Variants in SEC31A observed in about 807,000 individuals in gnomAD.
SEC31A encodes the protein SEC31 homolog A, COPII component, also known as protein transport protein Sec31A.
SEC31A carries 70 observed loss-of-function variants against 151.0 expected under a neutral mutation model. The observed-to-expected ratio is 0.46, with a 90% CI of 0.38 to 0.57. The LOEUF (loss-of-function observed/expected upper bound fraction) is 0.57, where lower values mean the gene tolerates loss of function less well. Among genes scored for constraint, SEC31A ranks in the 20% least tolerant of loss-of-function variants. The pLI, the probability that SEC31A is intolerant of heterozygous loss-of-function variation, is 0.00. For missense variants in SEC31A, 1,330 were observed against 1,471.2 expected (o/e 0.90, Z 1.57); for synonymous variants, 475 against 505.9 (o/e 0.94, Z 0.82).
intron 14 of SEC31A, among the ~76,000 whole-genome samples, chr4:82,859,994 G>A (rs942675657): frequency 8.6e-5 from 13 of 151,974 alleles, no homozygotes; most frequent in South Asian, 2.1e-4. Context: ...GTGTTTCACC[G>A]TGTTAGCCAG....
intron 8 of SEC31A, among the ~76,000 whole-genome samples, chr4:82,870,020 C>T (rs1049462043): frequency 1.6e-4 from 24 of 152,264 alleles, no homozygotes; most frequent in African/African-American, 5.3e-4. Flanking sequence ...GATACTGATT[C>T]CCATAAACCA....
At chr4:82,837,700 C>T (rs1727747455) in intron 22 of SEC31A, among the ~76,000 whole-genome samples, 1 of 152,164 alleles carries the variant, frequency 6.6e-6, no homozygotes, top group African/African-American at 2.4e-5. Flanking sequence ...GGAGTCCTAT[C>T]CACCTTAGCG....
At chr4:82,830,220 T>C (rs1012660295) in intron 22 of SEC31A, among the ~76,000 whole-genome samples, 3 of 152,174 alleles carry the variant, frequency 2.0e-5, no homozygotes, top group Admixed American at 2.0e-4. Context: ...TTCCAGCACT[T>C]TGGGCTGAGG....
At chr4:82,830,750 T>C (rs1436966888) in intron 22 of SEC31A, among the ~76,000 whole-genome samples, 1 of 152,244 alleles carries the variant, frequency 6.6e-6, no homozygotes, top group Non-Finnish European at 1.5e-5. Context: ...AAGCTACTTG[T>C]GTAATCACGT....
Position 82,854,982 on chromosome 4 carries a change from A to C in SEC31A, c.1929T>G (p.Ser643=), listed in dbSNP as rs767390976. The C allele has an allele frequency of 6.2e-7, 1 of 1,613,820 alleles. No homozygotes were observed. The highest frequency in any genetic ancestry group is 8.5e-7 in the Non-Finnish European group (1 of 1,179,882). The change falls in exon 17 of 27, where the codon TCT becomes TCG. Residue 643 remains serine (S), a synonymous_variant. Transcript: ENST00000395310. ...VMKNWKEIVE[S]CDLKNWREAL... ...CCTCTCTCCAATTTTTAAGATCACA[A>C]GACTCAACAATCTCTTTCCAGTTCT...
At chr4:82,828,950 T>C (rs1220175123) in intron 23 of SEC31A, 50 bp downstream of exon 23, 1 of 1,436,486 alleles carries the variant, frequency 7.0e-7, no homozygotes, top group African/African-American at 1.4e-5. Flanking sequence ...AGTGGCTACG[T>C]GGTTAACATA....
At chr4:82,898,263 T>C (rs188951954) in intron 3 of SEC31A, among the ~76,000 whole-genome samples, 1 of 152,270 alleles carries the variant, frequency 6.6e-6, no homozygotes, top group Non-Finnish European at 1.5e-5. Flanking sequence ...AATGATCAGA[T>C]TGAGAACTTC....
chr4:82,861,006 T>C (rs1734012809), intron 14 of SEC31A, among the ~76,000 whole-genome samples: 1 of 151,872 alleles, frequency 6.6e-6, no homozygotes, highest in South Asian at 2.1e-4. Context: ...GTTGATTAAT[T>C]TTCCAAGATG....
rs1578360019 is a variant in SEC31A, at chr4:82,877,741, G to C, written c.402+989C>G. The C allele has an allele frequency of 2.0e-5, 3 of 151,592 alleles. No individual in the cohort carries two copies. In the East Asian group the frequency reaches 5.8e-4, roughly 29 times the overall value. The allele number at this position is 151,592 out of a possible 1,614,324, so 9.4% of individuals were successfully genotyped here. ...TGAGTTTTGCTCGTTGCCCAGGCTG[G>C]AGTGCAATGGCACGATCTCAACTCA... On this transcript the variant is annotated intron_variant, in intron 4 of 26. Coordinates refer to ENST00000395310, the MANE Select transcript of SEC31A (RefSeq NM_001077207.4).
At chr4:82,862,651 C>T in intron 12 of SEC31A, 79 bp from the exon 13 acceptor site, 3 of 1,279,166 alleles carry the variant, frequency 2.3e-6, no homozygotes, top group South Asian at 1.2e-5. Context: ...TCTTGCTTCT[C>T]ACTGGCGAAA....
Position 82,857,009 on chromosome 4 carries a change from T to C in SEC31A, c.1824A>G (p.Glu608=), listed in dbSNP as rs1732831345. 1.8e-5 allele frequency: 29 copies of C among 1,613,874 alleles called. No individual in the cohort carries two copies. Among genetic ancestry groups the C allele is most frequent in the East Asian group, 2.2e-5 (1 of 44,878 alleles). ...ATTTTTTCTGGGTTCGAGCCAAGAGTTCTTGTCCACCTGCTATGGCCAATA... is the reference window on the plus strand; with the variant it reads ...ATTTTTTCTGGGTTCGAGCCAAGAGCTCTTGTCCACCTGCTATGGCCAATA... The part of the protein sequence containing the change: ...AIILAIAGGQ[E]LLARTQKKYF... The change falls in exon 16 of 27, where the codon GAA becomes GAG. Residue 608 remains glutamate, a synonymous_variant. Coordinates refer to ENST00000395310, the MANE Select transcript of SEC31A (RefSeq NM_001077207.4).
At chr4:82,839,786 G>T (rs1283868217) in intron 22 of SEC31A, among the ~76,000 whole-genome samples, 1 of 152,222 alleles carries the variant, frequency 6.6e-6, no homozygotes, top group Non-Finnish European at 1.5e-5. Flanking sequence ...GAAAAGTGTT[G>T]TCTGGCTTCC....
rs749896740 is a variant in SEC31A at position 82,872,026 on chromosome 4, C to G, written c.700G>C (p.Glu234Gln). 9 of 1,613,926 alleles carry G rather than the reference C, an allele frequency of 5.6e-6. No individual in the cohort carries two copies. Among genetic ancestry groups the G allele is most frequent in the South Asian group, 1.1e-5 (1 of 91,078 alleles). The change falls in exon 7 of 27, where the codon GAG (glutamate) becomes CAG (glutamine). Residue 234 changes from glutamate to glutamine, a missense_variant. Coordinates refer to ENST00000395310, the MANE Select transcript of SEC31A (RefSeq NM_001077207.4). ...DVATQMVLAS[E>Q]DDRLPVIQMW... ...TGGATCACTGGTAACCGGTCATCCT[C>G]GGAGGCAAGGACCATCTGAGTAGCA...
intron 10 of SEC31A, among the ~76,000 whole-genome samples, chr4:82,865,562 A>G (rs1213216962): frequency 0.018 from 153 of 8,388 alleles, 9 homozygotes; most frequent in African/African-American, 0.046. Context: ...ATATATATAT[A>G]TATATATATA....
At chr4:82,891,013 T>G in intron 1 of SEC31A, 75 bp downstream of exon 1, 15 of 1,525,298 alleles carry the variant, frequency 9.8e-6, no homozygotes, top group Non-Finnish European at 1.3e-5. Context: ...CAGGCTGCGG[T>G]CCCAGTTTTG....
At chr4:82,845,326 A>AAT in intron 20 of SEC31A, 1 of 1,247,172 alleles carries the variant, frequency 8.0e-7, no homozygotes, top group Non-Finnish European at 1.1e-6. Context: ...AATCACAGAA[A>AAT]ATAAAAAATG....
chr4:82,838,563 G>C (rs1208145975), intron 22 of SEC31A, among the ~76,000 whole-genome samples: 1 of 152,164 alleles, frequency 6.6e-6, no homozygotes, highest in Non-Finnish European at 1.5e-5. Context: ...GTACCACTTT[G>C]ACTGCACCAC....
intron 1 of SEC31A, among the ~76,000 whole-genome samples, chr4:82,882,933 C>A (rs1457580713): frequency 6.6e-6 from 1 of 152,190 alleles, no homozygotes; most frequent in Non-Finnish European, 1.5e-5. Flanking sequence ...GCCTCGCCAA[C>A]ATGGCAAAAC....
chr4:82,839,347 C>T (rs1277484428), intron 22 of SEC31A, among the ~76,000 whole-genome samples: 3 of 152,190 alleles, frequency 2.0e-5, no homozygotes, highest in Non-Finnish European at 4.4e-5. Flanking sequence ...GACGGGGTTT[C>T]GCCATGTTGG....
Sources: gnomAD v4.1 joint callset for allele counts (sites outside exome capture counted in the v4.1 genomes callset) on GRCh38, gnomAD v4.1.1 for gene constraint, MANE v1.5 for transcripts, NCBI Gene and HGNC (gene_info 2026-07-23, HGNC 2026-07-21) for gene names.